Variants in GULP1 observed in about 807,000 individuals in gnomAD.
GULP1 encodes PTB domain-containing engulfment adapter protein 1.
A neutral mutation model predicts 40.9 loss-of-function variants in GULP1; 19 were observed. The observed-to-expected ratio is 0.46, with a 90% CI of 0.32 to 0.68. The LOEUF (loss-of-function observed/expected upper bound fraction) is 0.68, where lower values mean the gene tolerates loss of function less well. GULP1 is among the 30% of genes least tolerant of loss of function. GULP1 has a pLI of 0.03. For synonymous variants in GULP1, 119 were observed against 117.6 expected, an observed-to-expected ratio of 1.01 and a Z score of -0.08; for missense variants, 312 against 362.2, an observed-to-expected ratio of 0.86 and a Z score of 1.12.
At chr2:188,432,149 A>C (rs2056939243) in intron 2 of GULP1, among the ~76,000 whole-genome samples, 1 of 151,714 alleles carries the variant, frequency 6.6e-6, no homozygotes, top group African/African-American at 2.4e-5. Context: ...CCATTTTATA[A>C]ATTTTTTAAG....
intron 2 of GULP1, among the ~76,000 whole-genome samples, chr2:188,462,929 G>A (rs565104750): frequency 2.6e-4 from 39 of 151,868 alleles, no homozygotes; most frequent in Admixed American, 1.2e-3. Context: ...CTTCATACCC[G>A]TTTTCTTTTA....
intron 4 of GULP1, among the ~76,000 whole-genome samples, chr2:188,486,153 A>T (rs1396820857): frequency 6.6e-6 from 1 of 152,054 alleles, no homozygotes; most frequent in Non-Finnish European, 1.5e-5. Flanking sequence ...TTTTAGGAAG[A>T]TAAATCGGTA....
intron 3 of GULP1, among the ~76,000 whole-genome samples, chr2:188,480,185 G>A (rs1301402350): frequency 6.6e-6 from 1 of 152,034 alleles, no homozygotes; most frequent in East Asian, 1.9e-4. Flanking sequence ...TAAATTGTTT[G>A]AGAGAATTTG....
At chr2:188,468,916 GT>G (rs1243774308) in intron 2 of GULP1, among the ~76,000 whole-genome samples, 2 of 152,094 alleles carry the variant, frequency 1.3e-5, no homozygotes, top group Non-Finnish European at 2.9e-5. Context: ...GTTTTGTTTT[GT>G]TTTAGGGAAT....
chr2:188,513,234 T>A (rs990027144), intron 4 of GULP1, among the ~76,000 whole-genome samples: 1 of 152,154 alleles, frequency 6.6e-6, no homozygotes, highest in African/African-American at 2.4e-5. Flanking sequence ...GTTATAACTT[T>A]CATTATATAG....
intron 2 of GULP1, among the ~76,000 whole-genome samples, chr2:188,463,792 C>T (rs904640071): frequency 6.6e-6 from 1 of 152,092 alleles, no homozygotes. Flanking sequence ...TTTTAAAAGA[C>T]TCTGATGCAT....
rs181998424 is a variant in GULP1, at chr2:188,382,023, T to C, written c.-171-1740T>C. ...ATTATAAAATATAAATATATGGCCT[T>C]AAAATATACTGTGCTAATATTTTAA... On this transcript the variant is annotated intron_variant, in intron 1 of 11. Transcript: ENST00000409830. 4.2e-3 allele frequency among the ~76,000 whole-genome samples: 635 copies of C among 152,332 alleles called. 7 individuals carry two copies. Among genetic ancestry groups the C allele is most frequent in the African/African-American group, 0.015 (610 of 41,582 alleles).
chr2:188,398,358 TATTGAAGAA>T, intron 2 of GULP1, among the ~76,000 whole-genome samples: 1 of 152,332 alleles, frequency 6.6e-6, no homozygotes, highest in South Asian at 2.1e-4. Flanking sequence ...AAAATAAAGT[TATTGAAGAA>T]ATTGAAGAAA....
At chr2:188,369,251 A>C (rs1047090789) in intron 1 of GULP1, among the ~76,000 whole-genome samples, 5 of 151,770 alleles carry the variant, frequency 3.3e-5, no homozygotes, top group Non-Finnish European at 1.5e-5. Context: ...GTGAGCCACC[A>C]TGCCTGGCTG....
intron 2 of GULP1, among the ~76,000 whole-genome samples, chr2:188,463,563 G>A (rs750571447): frequency 4.1e-4 from 63 of 152,124 alleles, no homozygotes; most frequent in Middle Eastern, 6.8e-3. Flanking sequence ...TCTAGGTTTA[G>A]GAAGTTCGCT....
intron 1 of GULP1, among the ~76,000 whole-genome samples, chr2:188,337,832 G>A (rs1364758549): frequency 6.6e-6 from 1 of 151,890 alleles, no homozygotes; most frequent in Admixed American, 6.6e-5. Context: ...ATTAACTAGG[G>A]TCCATTTACA....
chr2:188,304,168 A>G (rs1377586464), intron 1 of GULP1, among the ~76,000 whole-genome samples: 2 of 152,202 alleles, frequency 1.3e-5, no homozygotes, highest in Non-Finnish European at 2.9e-5. Flanking sequence ...AAAATGAGGG[A>G]AAGGATGTAT....
chr2:188,482,330 G>A (rs1222792398), intron 3 of GULP1, among the ~76,000 whole-genome samples: 1 of 151,714 alleles, frequency 6.6e-6, no homozygotes, highest in Non-Finnish European at 1.5e-5. Context: ...TCTGTTAACA[G>A]CATTTAAAAA....
chr2:188,344,617 G>A lies in GULP1; in HGVS notation c.-171-39146G>A, dbSNP rs186340074. On this transcript the variant is annotated intron_variant, in intron 1 of 11. Transcript: ENST00000409830. ...TTTGTATCATAGACTGAGAGATGAC[G>A]GGAGAGACATTTCCAGAATTGATTT... is the stretch of plus-strand genomic sequence containing the variant. Among the ~76,000 whole-genome samples, 3 of 152,212 alleles carry A rather than the reference G, an allele frequency of 2.0e-5. No homozygotes were observed. In the East Asian group the frequency reaches 5.8e-4, roughly 29 times the overall value.
intron 3 of GULP1, among the ~76,000 whole-genome samples, chr2:188,482,913 A>G (rs1001330799): frequency 6.6e-6 from 1 of 151,834 alleles, no homozygotes; most frequent in Admixed American, 6.6e-5. Flanking sequence ...TTTCCAAATG[A>G]ACACAGTAAG....
Position 188,313,653 on chromosome 2 carries a change from T to C in GULP1, c.-172+21487T>C, listed in dbSNP as rs1343287454. On this transcript the variant is annotated intron_variant, in intron 1 of 11. Transcript: ENST00000409830. ...TAGTTTTTTCTAATTCTGTGAAGAATGTCAATGGTAGTTTGATGGGAATGT... is the reference window on the plus strand; with the variant it reads ...TAGTTTTTTCTAATTCTGTGAAGAACGTCAATGGTAGTTTGATGGGAATGT... Among the ~76,000 whole-genome samples the C allele has an allele frequency of 2.0e-5, 3 of 152,146 alleles. No individual in the cohort carries two copies. The East Asian group carries it at 5.8e-4, about 29-fold the overall frequency.
At chr2:188,552,024 T>A (rs988045527) in intron 7 of GULP1, among the ~76,000 whole-genome samples, 3 of 148,082 alleles carry the variant, frequency 2.0e-5, no homozygotes, top group African/African-American at 7.8e-5. Context: ...ATGGGAACAT[T>A]TTTTTTTTCT....
At chr2:188,368,285 T>A (rs942387213) in intron 1 of GULP1, among the ~76,000 whole-genome samples, 1 of 152,112 alleles carries the variant, frequency 6.6e-6, no homozygotes, top group Non-Finnish European at 1.5e-5. Flanking sequence ...TGAATACATT[T>A]AATTTAGACT....
At chr2:188,358,312 A>AT (rs1220306971) in intron 1 of GULP1, among the ~76,000 whole-genome samples, 18 of 152,332 alleles carry the variant, frequency 1.2e-4, no homozygotes, top group African/African-American at 3.6e-4. Flanking sequence ...TAGAGAGTAG[A>AT]TTAGTGGTTA....
Sources: gnomAD v4.1 joint callset for allele counts (sites outside exome capture counted in the v4.1 genomes callset) on GRCh38, gnomAD v4.1.1 for gene constraint, MANE v1.5 for transcripts, NCBI Gene and HGNC (gene_info 2026-07-23, HGNC 2026-07-21) for gene names.